Variants in CTNNA2 observed in about 807,000 individuals in gnomAD.
CTNNA2 encodes catenin alpha-2.
CTNNA2 carries 42 observed loss-of-function variants against 101.0 expected under a neutral mutation model. That is an observed-to-expected ratio of 0.42 (90% confidence interval 0.32 to 0.54). The LOEUF is 0.54. Among genes scored for constraint, CTNNA2 ranks in the 20% least tolerant of loss-of-function variants. The pLI, the probability that CTNNA2 is intolerant of heterozygous loss-of-function variation, is 0.14. For synonymous variants in CTNNA2, 450 were observed against 456.4 expected, an observed-to-expected ratio of 0.99 and a Z score of 0.18; for missense variants, 871 against 1,223.1, an observed-to-expected ratio of 0.71 and a Z score of 4.29.
intron 7 of CTNNA2, among the ~76,000 whole-genome samples, chr2:80,179,795 T>A (rs1422007499): frequency 6.6e-6 from 1 of 152,184 alleles, no homozygotes; most frequent in Admixed American, 6.5e-5. Flanking sequence ...TCTAATGGCT[T>A]CCATTTGGCC....
intron 7 of CTNNA2, among the ~76,000 whole-genome samples, chr2:80,306,384 CT>C (rs1221964181): frequency 1.5e-5 from 2 of 132,408 alleles, no homozygotes; most frequent in African/African-American, 7.0e-5. Context: ...TCTTTCTTTT[CT>C]TTTCTTTTCT....
At chr2:79,757,361 G>A (rs1192567202) in intron 3 of CTNNA2, among the ~76,000 whole-genome samples, 1 of 152,168 alleles carries the variant, frequency 6.6e-6, no homozygotes, top group South Asian at 2.1e-4. Context: ...TTTTTAAGCT[G>A]ACTTGCAAAG....
intron 7 of CTNNA2, among the ~76,000 whole-genome samples, chr2:80,241,896 AC>A (rs1459959362): frequency 6.6e-6 from 1 of 152,168 alleles, no homozygotes; most frequent in African/African-American, 2.4e-5. Context: ...CCTATTAGTT[AC>A]CGACTCAAGA....
intron 3 of CTNNA2, among the ~76,000 whole-genome samples, chr2:79,848,022 A>G (rs1214169461): frequency 1.3e-5 from 2 of 152,194 alleles, no homozygotes; most frequent in African/African-American, 4.8e-5. Context: ...TTGTAGGAGA[A>G]TACAGGTACT....
chr2:79,247,220 A>G (rs1257805521), intron 2 of CTNNA2, among the ~76,000 whole-genome samples: 1 of 152,186 alleles, frequency 6.6e-6, no homozygotes, highest in Non-Finnish European at 1.5e-5. Flanking sequence ...TCATATCGCT[A>G]GTTTCTCCCC....
intron 7 of CTNNA2, among the ~76,000 whole-genome samples, chr2:80,002,433 G>T (rs1289166775): frequency 6.6e-6 from 1 of 152,142 alleles, no homozygotes; most frequent in Non-Finnish European, 1.5e-5. Context: ...GAAAATGGAT[G>T]CTCTAAATCG....
chr2:79,818,896 C>T (rs1242798928), intron 3 of CTNNA2, among the ~76,000 whole-genome samples: 3 of 37,726 alleles, frequency 8.0e-5, no homozygotes, highest in Non-Finnish European at 1.2e-4. Context: ...GCACTAATAG[C>T]ACACACACAC....
intron 11 of CTNNA2, among the ~76,000 whole-genome samples, chr2:80,546,298 T>G (rs1692054190): frequency 1.3e-5 from 2 of 152,224 alleles, no homozygotes; most frequent in South Asian, 4.1e-4. Context: ...TTAAGGTGGC[T>G]TATATTCCTT....
At chr2:79,667,301 A>C (rs1317077251) in intron 2 of CTNNA2, among the ~76,000 whole-genome samples, 1 of 152,198 alleles carries the variant, frequency 6.6e-6, no homozygotes, top group Non-Finnish European at 1.5e-5. Flanking sequence ...GAGATCATTA[A>C]AGCAAGAGCA....
chr2:80,057,710 C>T (rs537058173), intron 7 of CTNNA2, among the ~76,000 whole-genome samples: 2 of 152,282 alleles, frequency 1.3e-5, no homozygotes, highest in African/African-American at 4.8e-5. Context: ...TGCATATCCC[C>T]ATGAGCAGGA....
intron 7 of CTNNA2, among the ~76,000 whole-genome samples, chr2:80,097,431 C>G (rs1700225859): frequency 6.6e-6 from 1 of 152,080 alleles, no homozygotes; most frequent in Admixed American, 6.6e-5. Context: ...CTCTGGCTGC[C>G]CTTAATATTT....
chr2:80,273,381 A>T (rs1023973952), intron 7 of CTNNA2, among the ~76,000 whole-genome samples: 4 of 152,136 alleles, frequency 2.6e-5, no homozygotes, highest in African/African-American at 9.7e-5. Context: ...CTGGTCCAGG[A>T]CACCATCATT....
chr2:79,315,615 G>T (rs1573069024), intron 3 of CTNNA2, among the ~76,000 whole-genome samples: 1 of 151,980 alleles, frequency 6.6e-6, no homozygotes, highest in Non-Finnish European at 1.5e-5. Context: ...TCTCTTTTAT[G>T]TCTTTTATGG....
At chr2:80,094,406 T>C (rs1382391786) in intron 7 of CTNNA2, among the ~76,000 whole-genome samples, 5 of 152,214 alleles carry the variant, frequency 3.3e-5, no homozygotes, top group African/African-American at 1.2e-4. Context: ...TTGGTTACCG[T>C]GGCCTTATAG....
intron 1 of CTNNA2, among the ~76,000 whole-genome samples, chr2:79,550,994 G>A (rs1674064780): frequency 6.6e-6 from 1 of 152,150 alleles, no homozygotes; most frequent in African/African-American, 2.4e-5. Flanking sequence ...AATTTGATAA[G>A]TCAATAAAAA....
intron 7 of CTNNA2, among the ~76,000 whole-genome samples, chr2:80,023,054 T>C (rs1272152508): frequency 1.3e-5 from 2 of 152,194 alleles, no homozygotes; most frequent in African/African-American, 4.8e-5. Flanking sequence ...AATAACTATA[T>C]TATAGAAAAT....
chr2:80,459,778 G>A (rs543738903), intron 9 of CTNNA2, among the ~76,000 whole-genome samples: 10 of 152,140 alleles, frequency 6.6e-5, no homozygotes, highest in Non-Finnish European at 1.0e-4. Flanking sequence ...ATGATGTGCC[G>A]ACATCCCTCA....
At chr2:80,282,273 G>GTTT (rs58708297) in intron 7 of CTNNA2, among the ~76,000 whole-genome samples, 1 of 149,266 alleles carries the variant, frequency 6.7e-6, no homozygotes, top group East Asian at 2.0e-4. Flanking sequence ...TTTATTTGCT[G>GTTT]TTTTTTTTTT....
chr2:79,924,966 T>C (rs984604596), intron 7 of CTNNA2, among the ~76,000 whole-genome samples: 3 of 152,116 alleles, frequency 2.0e-5, no homozygotes, highest in African/African-American at 7.2e-5. Flanking sequence ...TTTCAGAGTC[T>C]GTTGAATGCT....
Sources: gnomAD v4.1 joint callset for allele counts (sites outside exome capture counted in the v4.1 genomes callset) on GRCh38, gnomAD v4.1.1 for gene constraint, MANE v1.5 for transcripts, NCBI Gene and HGNC (gene_info 2026-07-23, HGNC 2026-07-21) for gene names.